The following PALM2AKAP2 variants were observed in gnomAD, a reference collection of about 807,000 sequenced individuals.
PALM2AKAP2 encodes PALM2-AKAP2 fusion protein.
PALM2AKAP2 carries 37 observed loss-of-function variants against 71.5 expected under a neutral mutation model. That is an observed-to-expected ratio of 0.52 (90% CI 0.40 to 0.68). The LOEUF is 0.68. Ranked by LOEUF, PALM2AKAP2 falls within the 30% of genes least tolerant of loss-of-function variation. The probability of loss-of-function intolerance (pLI) is 0.00; values close to 1 mark genes in which losing one functional copy is unlikely to be tolerated. For synonymous variants in PALM2AKAP2, 468 were observed against 478.8 expected, an observed-to-expected ratio of 0.98 and a Z score of 0.29; for missense variants, 1,224 against 1,191.8, an observed-to-expected ratio of 1.03 and a Z score of -0.40.
chr9:110,100,981 C>T (rs956871529), intron 1 of PALM2AKAP2, among the ~76,000 whole-genome samples: 6 of 152,040 alleles, frequency 3.9e-5, no homozygotes, highest in African/African-American at 1.4e-4. Flanking sequence ...GGGATGCCTC[C>T]TGGTATCAAA....
In PALM2AKAP2 at chr9:110,143,042, G is replaced by A. The variant is rs76412888; in HGVS notation, c.2569+4503G>A. 1.1e-4 allele frequency among the ~76,000 whole-genome samples: 16 copies of A among 152,226 alleles called. No individual in the cohort carries two copies. The East Asian group carries it at 3.1e-3, about 29-fold the overall frequency. ...TTCCGAAGGCAGGCGCCATCTTGGT[G>A]AACACCCTGTATGTTATGTGAGGGG... On this transcript the variant is annotated intron_variant, in intron 2 of 3. Transcript: ENST00000374525.
intron 1 of PALM2AKAP2, among the ~76,000 whole-genome samples, chr9:109,810,377 G>C (rs947074776): frequency 2.0e-5 from 3 of 152,194 alleles, no homozygotes; most frequent in Non-Finnish European, 4.4e-5. Context: ...TGAATTAGGA[G>C]AGGACTAAGA....
chr9:109,835,417 A>C (rs1828442589), intron 1 of PALM2AKAP2, among the ~76,000 whole-genome samples: 1 of 151,834 alleles, frequency 6.6e-6, no homozygotes, highest in South Asian at 2.1e-4. Flanking sequence ...AGATGGCCGA[A>C]TAGGAACAGC....
chr9:110,052,186 G>A (rs572015263), intron 1 of PALM2AKAP2, among the ~76,000 whole-genome samples: 1 of 152,302 alleles, frequency 6.6e-6, no homozygotes, highest in East Asian at 1.9e-4. Context: ...ACAGGCATGA[G>A]CCATCATGCC....
chr9:110,117,250 G>C (rs1835383645), intron 1 of PALM2AKAP2, among the ~76,000 whole-genome samples: 1 of 152,092 alleles, frequency 6.6e-6, no homozygotes, highest in Non-Finnish European at 1.5e-5. Flanking sequence ...CTCCCAAGTA[G>C]CTGGGACTAT....
chr9:109,793,889 T>G (rs932176783), intron 1 of PALM2AKAP2, among the ~76,000 whole-genome samples: 34 of 152,278 alleles, frequency 2.2e-4, no homozygotes, highest in Non-Finnish European at 2.1e-4. Context: ...GTGTTGTCTA[T>G]GGCTAAGTTT....
At chr9:109,645,976 G>A (rs1030274357) in intron 1 of PALM2AKAP2, among the ~76,000 whole-genome samples, 2 of 151,980 alleles carry the variant, frequency 1.3e-5, no homozygotes. Flanking sequence ...GAGGCTAGAA[G>A]AGCAAACTAA....
intron 3 of PALM2AKAP2, among the ~76,000 whole-genome samples, chr9:109,885,695 C>T (rs917105452): frequency 6.6e-6 from 1 of 152,182 alleles, no homozygotes; most frequent in Non-Finnish European, 1.5e-5. Context: ...ATATGTGAAA[C>T]CTGCTTTGGG....
chr9:109,651,834 A>G (rs1164400279), intron 1 of PALM2AKAP2, among the ~76,000 whole-genome samples: 2 of 152,238 alleles, frequency 1.3e-5, no homozygotes, highest in East Asian at 3.8e-4. Flanking sequence ...GGGAAGACCA[A>G]TCTCAGTTAT....
At chr9:110,158,994 G>A (rs1195893487) in intron 3 of PALM2AKAP2, among the ~76,000 whole-genome samples, 1 of 152,194 alleles carries the variant, frequency 6.6e-6, no homozygotes, top group African/African-American at 2.4e-5. Flanking sequence ...CTTTTCTCCT[G>A]TATCTGTGTC....
rs568508652 is a variant in PALM2AKAP2 at position 109,655,238 on chromosome 9, C to T, written c.5+14372C>T. ...ATGAACCTGGGAGGTGGAGCTTGCACCGCGTGAGCCGAGATCGGCCACTGC... is the reference window on the plus strand; with the variant it reads ...ATGAACCTGGGAGGTGGAGCTTGCATCGCGTGAGCCGAGATCGGCCACTGC... On this transcript the variant is annotated intron_variant, in intron 1 of 6. Coordinates refer to the PALM2AKAP2 transcript ENST00000374531. Among the ~76,000 whole-genome samples the T allele has an allele frequency of 1.7e-3, 249 of 150,464 alleles. 1 individual carries two copies. The highest frequency in any genetic ancestry group is 5.9e-3 in the African/African-American group (241 of 40,848).
At chr9:109,965,947 A>G (rs1190121150) in intron 6 of PALM2AKAP2, among the ~76,000 whole-genome samples, 2 of 152,190 alleles carry the variant, frequency 1.3e-5, no homozygotes, top group Non-Finnish European at 2.9e-5. Flanking sequence ...GGCAAGGGAA[A>G]AGGCAACCCA....
At chr9:109,687,029 A>G (rs1402760895) in intron 1 of PALM2AKAP2, among the ~76,000 whole-genome samples, 2 of 152,156 alleles carry the variant, frequency 1.3e-5, no homozygotes, top group East Asian at 1.9e-4. Flanking sequence ...ATGGCTGCAT[A>G]GTATTCCATG....
chr9:109,989,500 T>A (rs903279611), intron 6 of PALM2AKAP2, among the ~76,000 whole-genome samples: 1 of 152,226 alleles, frequency 6.6e-6, no homozygotes, highest in African/African-American at 2.4e-5. Context: ...CAAATTCCAT[T>A]TGCCTGGAAC....
intron 1 of PALM2AKAP2, among the ~76,000 whole-genome samples, chr9:109,656,757 C>T (rs1827313739): frequency 6.6e-6 from 1 of 152,054 alleles, no homozygotes; most frequent in Admixed American, 6.6e-5. Flanking sequence ...TGTGCCAGTC[C>T]GGATGGTGAG....
At chr9:110,121,483 G>C (rs1835485654) in intron 1 of PALM2AKAP2, among the ~76,000 whole-genome samples, 3 of 152,150 alleles carry the variant, frequency 2.0e-5, no homozygotes, top group Admixed American at 2.0e-4. Context: ...TAAGCACCAG[G>C]AAGCAGGGAG....
At chr9:109,695,976 A>G (rs1328969798) in intron 1 of PALM2AKAP2, among the ~76,000 whole-genome samples, 1 of 152,218 alleles carries the variant, frequency 6.6e-6, no homozygotes, top group Non-Finnish European at 1.5e-5. Flanking sequence ...ATAGTTCACC[A>G]TAATTTATTG....
intron 1 of PALM2AKAP2, among the ~76,000 whole-genome samples, chr9:109,824,993 A>C (rs1343656309): frequency 6.6e-6 from 1 of 152,212 alleles, no homozygotes; most frequent in Non-Finnish European, 1.5e-5. Context: ...TTCAAATGTA[A>C]AAGTGTTTAC....
chr9:109,863,687 T>A (rs773238719), intron 1 of PALM2AKAP2, among the ~76,000 whole-genome samples: 7 of 152,090 alleles, frequency 4.6e-5, no homozygotes. Flanking sequence ...TGCAAGTGAG[T>A]TCCTTAATGG....
Sources: gnomAD v4.1 joint callset for allele counts (sites outside exome capture counted in the v4.1 genomes callset) on GRCh38, gnomAD v4.1.1 for gene constraint, MANE v1.5 for transcripts, NCBI Gene and HGNC (gene_info 2026-07-23, HGNC 2026-07-21) for gene names.